The following DNAJA3 variants were observed in gnomAD, a reference collection of about 807,000 sequenced individuals.
DNAJA3 encodes dnaJ homolog subfamily A member 3, mitochondrial.
A neutral mutation model predicts 54.9 loss-of-function variants in DNAJA3; 29 were observed. That is an observed-to-expected ratio of 0.53 (90% CI 0.39 to 0.72). The LOEUF (loss-of-function observed/expected upper bound fraction) is 0.72. Among genes scored for constraint, DNAJA3 ranks in the 30% least tolerant of loss-of-function variants. The pLI, the probability that DNAJA3 is intolerant of heterozygous loss-of-function variation, is 0.00. For synonymous variants in DNAJA3, 302 were observed against 251.4 expected (o/e 1.20, Z -1.90); for missense variants, 708 against 639.4 (o/e 1.11, Z -1.16).
intron 1 of DNAJA3, chr16:4,430,727 C>G (rs1205792091): frequency 6.6e-6 from 1 of 152,024 alleles, no homozygotes; most frequent in South Asian, 2.1e-4. Context: ...TATTGTTAAT[C>G]ATTGATGCCC....
Position 4,446,960 on chromosome 16 carries a change from T to C in DNAJA3, c.1071T>C (p.Ala357=), listed in dbSNP as rs1327037534. 2 of 1,614,022 alleles carry C rather than the reference T, an allele frequency of 1.2e-6. No individual in the cohort carries two copies. Among genetic ancestry groups the C allele is most frequent in the African/African-American group, 2.7e-5 (2 of 74,906 alleles). ...HSDLFISIAQ[A]LLGGTARAQG... ...ACCTCTTTATTTCTATAGCTCAGGC[T>C]CTTCTTGGGGGTACAGCCAGAGCCC... The change falls in exon 8 of 12, where the codon GCT becomes GCC. Residue 357 remains alanine, a synonymous_variant. Transcript: ENST00000262375.
intron 11 of DNAJA3, 200 bp from the exon 12 acceptor site, chr16:4,455,346 C>T: frequency 1.6e-6 from 1 of 634,506 alleles, no homozygotes; most frequent in South Asian, 1.8e-5. Flanking sequence ...GCTGTGCAAG[C>T]CTGGGGGCTG....
chr16:4,435,004 C>T (rs1238964815), intron 2 of DNAJA3, among the ~76,000 whole-genome samples: 1 of 147,362 alleles, frequency 6.8e-6, no homozygotes, highest in Non-Finnish European at 1.5e-5. Context: ...TCAAGCAGTT[C>T]TCCTGTGTCC....
intron 9 of DNAJA3, 27 bp from the exon 10 acceptor site, chr16:4,450,373 T>A: frequency 1.3e-6 from 2 of 1,569,016 alleles, no homozygotes; most frequent in Non-Finnish European, 1.7e-6. Context: ...GCGGAAGCCT[T>A]GGCTGCTGAC....
intron 2 of DNAJA3, among the ~76,000 whole-genome samples, chr16:4,435,450 G>A (rs147935279): frequency 2.6e-5 from 4 of 152,148 alleles, no homozygotes; most frequent in South Asian, 2.1e-4. Flanking sequence ...TCATTACCTC[G>A]AAAAGAAACT....
Position 4,447,020 on chromosome 16 carries a change from A to G in DNAJA3, c.1125+6A>G. 1 of 1,612,306 alleles carries G rather than the reference A, an allele frequency of 6.2e-7. No individual in the cohort carries two copies. The highest frequency in any genetic ancestry group is 8.5e-7 in the Non-Finnish European group (1 of 1,179,406). On this transcript the variant is annotated splice_donor_region_variant and intron_variant, in intron 8 of 11. Coordinates refer to ENST00000262375, the MANE Select transcript of DNAJA3 (RefSeq NM_005147.6). ...ACGAGACGATCAACGTGACGGTAAGAGGGTGTGAGAACACCTTTGTCACCC... is the reference window on the plus strand; with the variant it reads ...ACGAGACGATCAACGTGACGGTAAGGGGGTGTGAGAACACCTTTGTCACCC...
chr16:4,426,823 A>C (rs184763658), intron 1 of DNAJA3: 1 of 152,308 alleles, frequency 6.6e-6, no homozygotes, highest in East Asian at 1.9e-4. Context: ...CCACTTATAA[A>C]TGTCACAAGG....
At chr16:4,453,114 G>A (rs1473649699) in intron 10 of DNAJA3, among the ~76,000 whole-genome samples, 2 of 152,170 alleles carry the variant, frequency 1.3e-5, no homozygotes, top group African/African-American at 4.8e-5. Flanking sequence ...GAGTGCAGTG[G>A]TGCAGTCATA....
chr16:4,438,193 T>C (rs1444401787), intron 3 of DNAJA3, among the ~76,000 whole-genome samples: 1 of 151,986 alleles, frequency 6.6e-6, no homozygotes, highest in Non-Finnish European at 1.5e-5. Flanking sequence ...GGCATGCGCC[T>C]GTAGTCCCAG....
intron 10 of DNAJA3, among the ~76,000 whole-genome samples, chr16:4,452,437 G>T (rs149694372): frequency 1.3e-5 from 2 of 152,260 alleles, no homozygotes; most frequent in East Asian, 3.9e-4. Flanking sequence ...CTGGTCACCA[G>T]TTGATGTTTT....
At position 4,446,916 on chromosome 16, in the gene DNAJA3, G is replaced by T; in HGVS notation, c.1027G>T (p.Gly343Cys). The T allele has an allele frequency of 6.2e-7, 1 of 1,614,140 alleles. No homozygotes were observed. The highest frequency in any genetic ancestry group is 8.5e-7 in the Non-Finnish European group (1 of 1,180,030). The change falls in exon 8 of 12, where the codon GGC (glycine) becomes TGC (cysteine). Residue 343 changes from glycine to cysteine, a missense_variant. By Grantham distance (159) the Gly-to-Cys change is radical (BLOSUM62 -3). Coordinates refer to ENST00000262375, the MANE Select transcript of DNAJA3 (RefSeq NM_005147.6). ...VQKSPVFRRD[G>C]ADIHSDLFIS... ...GAAAAGCCCTGTGTTCCGGAGGGAC[G>T]GCGCAGACATCCACTCCGACCTCTT...
At chr16:4,429,821 C>T (rs1473820587) in intron 1 of DNAJA3, among the ~76,000 whole-genome samples, 1 of 150,598 alleles carries the variant, frequency 6.6e-6, no homozygotes, top group Non-Finnish European at 1.5e-5. Context: ...TCAACAAGAG[C>T]GAAACTGTGT....
intron 6 of DNAJA3, among the ~76,000 whole-genome samples, chr16:4,443,435 T>C (rs999533322): frequency 6.6e-6 from 1 of 152,136 alleles, no homozygotes; most frequent in Non-Finnish European, 1.5e-5. Flanking sequence ...ACTCTGCTTC[T>C]TCCTGGTGAG....
intron 9 of DNAJA3, 39 bp from the exon 10 acceptor site, chr16:4,450,361 C>T (rs1255772215): frequency 9.2e-6 from 14 of 1,526,568 alleles, no homozygotes; most frequent in Admixed American, 7.8e-5. Context: ...CAAAGCTTCC[C>T]GGCGGAAGCC....
At chr16:4,451,361 G>T (rs1440211761) in intron 10 of DNAJA3, among the ~76,000 whole-genome samples, 1 of 152,056 alleles carries the variant, frequency 6.6e-6, no homozygotes, top group Non-Finnish European at 1.5e-5. Flanking sequence ...CAATAAAGTG[G>T]AGGATTTGGA....
chr16:4,450,503 G>T lies in DNAJA3; in HGVS notation c.1339+6G>T. 1 of 1,601,120 alleles carries T rather than the reference G, an allele frequency of 6.2e-7. No individual in the cohort carries two copies. The highest frequency in any genetic ancestry group is 8.5e-7 in the Non-Finnish European group (1 of 1,173,788). ...CGTCACCCTCACCAGCTCTGGTAAG[G>T]AGTCTGAAGACTACATGGTGACACG... On this transcript the variant is annotated splice_donor_region_variant and intron_variant, in intron 10 of 11. Transcript: ENST00000262375.
At position 4,454,851 on chromosome 16, in the gene DNAJA3, G is replaced by GCGTGAGGCTGGGGAGGA. The variant is rs770785996; in HGVS notation, c.1383_1399dup (p.Glu467ValfsTer90). ...ATAGCTCCGCAGGAAGCAAGGCTAG[G>GCGTGAGGCTGGGGAGGA]CGTGAGGCTGGGGAGGACGAGGAGG... On this transcript the variant is annotated frameshift_variant, in exon 11 of 12. Transcript: ENST00000262375. LOFTEE classifies it high-confidence loss of function. 12 of 1,614,014 alleles carry GCGTGAGGCTGGGGAGGA rather than the reference G, an allele frequency of 7.4e-6. No homozygotes were observed. In the South Asian group the frequency reaches 1.3e-4, roughly 18 times the overall value.
intron 1 of DNAJA3, chr16:4,433,225 T>C (rs2056729230): frequency 6.6e-6 from 1 of 152,230 alleles, no homozygotes; most frequent in South Asian, 2.1e-4. Context: ...TGTCTTGCTA[T>C]TAAAAAAGGT....
chr16:4,428,562 T>A (rs1453520504), intron 1 of DNAJA3, among the ~76,000 whole-genome samples: 1 of 152,218 alleles, frequency 6.6e-6, no homozygotes, highest in Admixed American at 6.5e-5. Context: ...TATTATTGTG[T>A]ATGTGAAAGA....
Sources: gnomAD v4.1 joint callset for allele counts (sites outside exome capture counted in the v4.1 genomes callset) on GRCh38, gnomAD v4.1.1 for gene constraint, MANE v1.5 for transcripts, NCBI Gene and HGNC (gene_info 2026-07-23, HGNC 2026-07-21) for gene names.